The following SLC29A3 variants were observed in gnomAD, a reference collection of about 807,000 sequenced individuals.
The protein encoded by SLC29A3 is solute carrier family 29 member 3.
SLC29A3 carries 18 observed loss-of-function variants against 25.4 expected under a neutral mutation model. That is an observed-to-expected ratio of 0.71 (90% CI 0.49 to 1.05). SLC29A3 has a LOEUF of 1.05. SLC29A3 is among the 50% of genes least tolerant of loss of function. SLC29A3 has a pLI of 0.00. For missense variants in SLC29A3, 586 were observed against 609.0 expected, an observed-to-expected ratio of 0.96 and a Z score of 0.40; for synonymous variants, 258 against 267.1, an observed-to-expected ratio of 0.97 and a Z score of 0.33.
intron 4 of SLC29A3, among the ~76,000 whole-genome samples, chr10:71,377,250 C>T (rs1469857099): frequency 6.6e-6 from 1 of 152,218 alleles, no homozygotes; most frequent in Non-Finnish European, 1.5e-5. Context: ...CTCTAAGCTG[C>T]CGCTCCAGGT....
downstream of SLC29A3, among the ~76,000 whole-genome samples, chr10:71,367,971 C>T (rs1335958667): frequency 6.6e-6 from 1 of 152,170 alleles, no homozygotes; most frequent in East Asian, 1.9e-4. Flanking sequence ...ACCTATAATC[C>T]CAGCACTTTG....
chr10:71,351,558 C>T lies in SLC29A3; in HGVS notation c.384-4C>T, dbSNP rs1213428522. ...TCTAACTGCTTCTGGCATCCTCGCC[C>T]CAGGGTTGCAGTCCACATCCGTGTC... On this transcript the variant is annotated splice_polypyrimidine_tract_variant and splice_region_variant and intron_variant, in intron 3 of 5. Coordinates refer to ENST00000373189, the MANE Select transcript of SLC29A3 (RefSeq NM_018344.6). 1 of 1,613,732 alleles carries T rather than the reference C, an allele frequency of 6.2e-7. No individual in the cohort carries two copies. Among genetic ancestry groups the T allele is most frequent in the Non-Finnish European group, 8.5e-7 (1 of 1,179,712 alleles).
chr10:71,339,678 C>T (rs1405221013), intron 2 of SLC29A3, among the ~76,000 whole-genome samples: 1 of 152,152 alleles, frequency 6.6e-6, no homozygotes, highest in African/African-American at 2.4e-5. Context: ...GCTGCGCTGG[C>T]ATCCTCACTG....
intron 2 of SLC29A3, among the ~76,000 whole-genome samples, chr10:71,341,105 T>G: frequency 6.6e-6 from 1 of 151,804 alleles, no homozygotes; most frequent in East Asian, 1.9e-4. Context: ...CTCTCATTGG[T>G]TAAAGTGGGT....
intron 3 of SLC29A3, among the ~76,000 whole-genome samples, chr10:71,375,179 G>A (rs1040277637): frequency 3.9e-5 from 6 of 152,106 alleles, no homozygotes; most frequent in African/African-American, 7.2e-5. Flanking sequence ...CTGCCCCACC[G>A]ACCCTAAGAG....
In SLC29A3 at chr10:71,323,009, C is replaced by G. The variant is rs1272081898; in HGVS notation, c.255C>G (p.Ser85=). 2 of 1,613,942 alleles carry G rather than the reference C, an allele frequency of 1.2e-6. No homozygotes were observed. Among genetic ancestry groups the G allele is most frequent in the South Asian group, 2.2e-5 (2 of 91,074 alleles). Residue 85 remains serine, a synonymous_variant, in exon 2 of 6, where the codon TCC becomes TCG. Coordinates refer to ENST00000373189, the MANE Select transcript of SLC29A3 (RefSeq NM_018344.6). ...KEYWMFKLRN[S]SSPATGEDPE... is the part of the protein sequence containing the mutation. ...ACTGGATGTTCAAACTCCGCAACTC[C>G]TCCAGCCCAGCCACCGGGGAGGACC...
In SLC29A3 at chr10:71,377,788, G is replaced by A. The variant is rs375422266; in HGVS notation, c.*211+1977G>A. Among the ~76,000 whole-genome samples the A allele has an allele frequency of 5.9e-5, 9 of 152,350 alleles. No homozygotes were observed. In the East Asian group the frequency reaches 1.5e-3, roughly 26 times the overall value. On this transcript the variant is annotated intron_variant and NMD_transcript_variant, in intron 4 of 4. Transcript: ENST00000642772. ...AATGATAAAAAAGATACTCATATTT[G>A]TTGAGCACTTACTGTCGGCCTGGCT...
At chr10:71,328,095 C>T (rs1269887174) in intron 2 of SLC29A3, among the ~76,000 whole-genome samples, 1 of 152,208 alleles carries the variant, frequency 6.6e-6, no homozygotes, top group Non-Finnish European at 1.5e-5. Flanking sequence ...TCTACACCTT[C>T]CTTCCTGTGT....
chr10:71,343,031 GT>G (rs1278719417), intron 2 of SLC29A3, among the ~76,000 whole-genome samples: 1 of 152,172 alleles, frequency 6.6e-6, no homozygotes, highest in African/African-American at 2.4e-5. Context: ...CCAGGCTAAA[GT>G]GCAGTGGTTT....
At chr10:71,354,044 G>C (rs1476747249) in intron 4 of SLC29A3, among the ~76,000 whole-genome samples, 1 of 152,200 alleles carries the variant, frequency 6.6e-6, no homozygotes, top group Non-Finnish European at 1.5e-5. Context: ...GGGGATTACA[G>C]CTTCTCAGAA....
chr10:71,335,112 G>T (rs1846213341), intron 2 of SLC29A3, among the ~76,000 whole-genome samples: 1 of 152,074 alleles, frequency 6.6e-6, no homozygotes, highest in South Asian at 2.1e-4. Flanking sequence ...GTGAATAGAT[G>T]AATGAATAAA....
At chr10:71,345,222 C>G (rs141806435) in intron 3 of SLC29A3, among the ~76,000 whole-genome samples, 65 of 152,280 alleles carry the variant, frequency 4.3e-4, no homozygotes, top group African/African-American at 1.5e-3. Context: ...TAATATGATC[C>G]CAAAGCATAG....
At chr10:71,326,504 G>C (rs1293713737) in intron 2 of SLC29A3, among the ~76,000 whole-genome samples, 1 of 152,256 alleles carries the variant, frequency 6.6e-6, no homozygotes, top group East Asian at 1.9e-4. Context: ...CCAGCTTTCT[G>C]CCAGCCGTGG....
intron 2 of SLC29A3, among the ~76,000 whole-genome samples, chr10:71,339,182 C>T (rs1589228948): frequency 6.6e-6 from 1 of 152,202 alleles, no homozygotes; most frequent in Non-Finnish European, 1.5e-5. Flanking sequence ...AGCCCTGCCT[C>T]GCCCTCACTG....
intron 2 of SLC29A3, among the ~76,000 whole-genome samples, chr10:71,326,652 G>A (rs1294758647): frequency 6.6e-6 from 1 of 152,242 alleles, no homozygotes; most frequent in Non-Finnish European, 1.5e-5. Context: ...CCTCTGGAGG[G>A]AGGGGTGTCC....
chr10:71,335,010 A>G (rs1846210888), intron 2 of SLC29A3, among the ~76,000 whole-genome samples: 1 of 139,374 alleles, frequency 7.2e-6, no homozygotes, highest in Non-Finnish European at 1.5e-5. Context: ...CCCAGCCCCT[A>G]GAACACATTG....
At chr10:71,346,968 A>C (rs1047777722) in intron 3 of SLC29A3, among the ~76,000 whole-genome samples, 3 of 152,002 alleles carry the variant, frequency 2.0e-5, no homozygotes, top group African/African-American at 7.3e-5. Context: ...ATGGCTCAGC[A>C]GTTACAGGAC....
chr10:71,347,077 C>T (rs1408783698), intron 3 of SLC29A3, among the ~76,000 whole-genome samples: 1 of 152,154 alleles, frequency 6.6e-6, no homozygotes, highest in Non-Finnish European at 1.5e-5. Context: ...CTGAGGCCTC[C>T]ATCTGTTTCC....
At chr10:71,368,681 A>G (rs1025128700) in intron 3 of SLC29A3, among the ~76,000 whole-genome samples, 6 of 152,122 alleles carry the variant, frequency 3.9e-5, no homozygotes, top group African/African-American at 1.4e-4. Flanking sequence ...TATCACTATC[A>G]TGAATGCACA....
Sources: gnomAD v4.1 joint callset for allele counts (sites outside exome capture counted in the v4.1 genomes callset) on GRCh38, gnomAD v4.1.1 for gene constraint, MANE v1.5 for transcripts, NCBI Gene and HGNC (gene_info 2026-07-23, HGNC 2026-07-21) for gene names.